The following ITPR2 variants were observed in gnomAD, a reference collection of about 807,000 sequenced individuals.
ITPR2 encodes the protein inositol 1,4,5-trisphosphate-gated calcium channel ITPR2.
ITPR2 carries 207 observed loss-of-function variants against 317.1 expected under a neutral mutation model. The ratio of observed to expected loss-of-function variants is 0.65; its 90% confidence interval spans 0.58 to 0.73. ITPR2 has a LOEUF of 0.73. Ranked by LOEUF, ITPR2 falls within the 30% of genes least tolerant of loss-of-function variation. The probability of loss-of-function intolerance (pLI) is 0.00; values close to 1 mark genes in which losing one functional copy is unlikely to be tolerated. For synonymous variants in ITPR2, 1,156 were observed against 1,149.1 expected (o/e 1.01, Z -0.12); for missense variants, 2,613 against 3,284.0 (o/e 0.80, Z 4.99).
At chr12:26,821,040 G>T (rs1412714103) in intron 1 of ITPR2, among the ~76,000 whole-genome samples, 2 of 152,174 alleles carry the variant, frequency 1.3e-5, no homozygotes, top group Non-Finnish European at 2.9e-5. Context: ...GTAAAAAAAA[G>T]TTCTGGAAAT....
intron 2 of ITPR2, among the ~76,000 whole-genome samples, chr12:26,776,717 CA>C (rs1383881653): frequency 2.0e-5 from 3 of 152,344 alleles, no homozygotes; most frequent in African/African-American, 7.2e-5. Context: ...ATGTTGCCAT[CA>C]ACCTTTCCAC....
chr12:26,678,600 T>A (rs1009485961), intron 13 of ITPR2, among the ~76,000 whole-genome samples: 6 of 152,222 alleles, frequency 3.9e-5, no homozygotes, highest in Non-Finnish European at 1.5e-5. Context: ...AGCTCTACCT[T>A]ACTGACAGGC....
At chr12:26,583,409 A>G (rs1443019382) in intron 32 of ITPR2, among the ~76,000 whole-genome samples, 2 of 151,980 alleles carry the variant, frequency 1.3e-5, no homozygotes, top group Non-Finnish European at 2.9e-5. Flanking sequence ...GTATTTTTGC[A>G]TTCTATTTAA....
intron 54 of ITPR2, among the ~76,000 whole-genome samples, chr12:26,391,516 T>C (rs1458353475): frequency 2.6e-5 from 4 of 151,568 alleles, no homozygotes; most frequent in Admixed American, 2.6e-4. Context: ...AAGGCATCTG[T>C]ATTTTATTCT....
At chr12:26,414,727 G>A (rs1477625369) in intron 51 of ITPR2, among the ~76,000 whole-genome samples, 1 of 152,056 alleles carries the variant, frequency 6.6e-6, no homozygotes, top group Non-Finnish European at 1.5e-5. Flanking sequence ...AACCAGTCAC[G>A]ACAAAAATAG....
chr12:26,760,037 T>C (rs1416574386), intron 2 of ITPR2, among the ~76,000 whole-genome samples: 1 of 152,220 alleles, frequency 6.6e-6, no homozygotes, highest in Non-Finnish European at 1.5e-5. Flanking sequence ...AGTATTTGCA[T>C]ATAGCCTATG....
intron 49 of ITPR2, among the ~76,000 whole-genome samples, chr12:26,427,575 G>A (rs373448821): frequency 4.6e-5 from 7 of 152,060 alleles, no homozygotes; most frequent in Middle Eastern, 3.4e-3. Flanking sequence ...GATGATTTAC[G>A]ATGTCACTTT....
rs746541797 is a variant in ITPR2 at position 26,711,161 on chromosome 12, C to T, written c.951+12G>A. On this transcript the variant is annotated intron_variant, in intron 9 of 56. Transcript: ENST00000381340. ...GTCAGAAACTTAATACCACTTTATCCATTAGTCTTACCTCTGCAGCTAAAT... is the reference window on the plus strand; with the variant it reads ...GTCAGAAACTTAATACCACTTTATCTATTAGTCTTACCTCTGCAGCTAAAT... The T allele has an allele frequency of 2.5e-6, 4 of 1,576,268 alleles. No individual in the cohort carries two copies. In the South Asian group the frequency reaches 3.3e-5, roughly 13 times the overall value.
At chr12:26,572,334 G>A (rs1442843769) in intron 34 of ITPR2, among the ~76,000 whole-genome samples, 1 of 152,128 alleles carries the variant, frequency 6.6e-6, no homozygotes, top group Non-Finnish European at 1.5e-5. Flanking sequence ...TAATCAAGCA[G>A]AACTCTGAAA....
chr12:26,815,380 T>C (rs1303515549), intron 1 of ITPR2, among the ~76,000 whole-genome samples: 1 of 152,180 alleles, frequency 6.6e-6, no homozygotes, highest in Non-Finnish European at 1.5e-5. Flanking sequence ...AGCTGTCCAA[T>C]GAAAACATGC....
At chr12:26,678,507 A>G (rs1469493699) in intron 13 of ITPR2, among the ~76,000 whole-genome samples, 1 of 152,196 alleles carries the variant, frequency 6.6e-6, no homozygotes, top group Non-Finnish European at 1.5e-5. Flanking sequence ...AAAAAGTCAG[A>G]GTTGTCAGTT....
chr12:26,805,649 C>A (rs932285882), intron 1 of ITPR2, among the ~76,000 whole-genome samples: 14 of 60,292 alleles, frequency 2.3e-4, no homozygotes, highest in Non-Finnish European at 4.2e-4. Flanking sequence ...AAATCACAAG[C>A]AATAAGCATA....
Position 26,337,382 on chromosome 12 carries a change from T to C in ITPR2, c.*2015A>G, listed in dbSNP as rs1591943356. On this transcript the variant is annotated 3_prime_UTR_variant, in exon 57 of 57. Transcript: ENST00000381340. Reference sequence around the variant, plus strand: ...GATAGGTTCCTATATTGGAATATGTTCAATATTTACTACCTTTCTCTTCTA... The same window carrying C: ...GATAGGTTCCTATATTGGAATATGTCCAATATTTACTACCTTTCTCTTCTA... 6.6e-6 allele frequency: 1 copy of C among 152,336 alleles called. No individual in the cohort carries two copies. Among genetic ancestry groups the C allele is most frequent in the Non-Finnish European group, 1.5e-5 (1 of 68,018 alleles). The allele number at this position is 152,336 out of a possible 1,614,324, so 9.4% of individuals were successfully genotyped here.
intron 37 of ITPR2, among the ~76,000 whole-genome samples, chr12:26,511,764 C>T (rs1195683092): frequency 2.0e-5 from 3 of 152,218 alleles, no homozygotes; most frequent in Admixed American, 2.0e-4. Context: ...TGTGGGACCA[C>T]GTTTGGGACA....
chr12:26,492,917 GTGTA>G (rs1565558710), intron 39 of ITPR2, among the ~76,000 whole-genome samples: 9 of 115,522 alleles, frequency 7.8e-5, no homozygotes, highest in Admixed American at 1.3e-4. Flanking sequence ...ATGTGTGTGT[GTGTA>G]TATATATATA....
intron 2 of ITPR2, among the ~76,000 whole-genome samples, chr12:26,729,704 G>A (rs1008954183): frequency 1.3e-5 from 2 of 152,060 alleles, no homozygotes; most frequent in Non-Finnish European, 1.5e-5. Context: ...TGCAGGAACA[G>A]AAAATCAAAT....
intron 26 of ITPR2, among the ~76,000 whole-genome samples, chr12:26,616,127 T>TTTATTTTTA (rs757672332): frequency 1.7e-3 from 252 of 150,020 alleles, no homozygotes; most frequent in Non-Finnish European, 2.9e-3. Context: ...TATTTATTTA[T>TTTATTTTTA]TTTTATTTTA....
chr12:26,562,416 T>C (rs1944843466), intron 34 of ITPR2, among the ~76,000 whole-genome samples: 1 of 152,216 alleles, frequency 6.6e-6, no homozygotes, highest in Non-Finnish European at 1.5e-5. Flanking sequence ...AACATCTGCA[T>C]TGGAAGAGGG....
chr12:26,790,092 T>C, intron 2 of ITPR2, 65 bp downstream of exon 2: 1 of 1,043,280 alleles, frequency 9.6e-7, no homozygotes, highest in Non-Finnish European at 1.5e-6. Context: ...CATTACTTAC[T>C]TTGAGACATA....
Sources: gnomAD v4.1 joint callset for allele counts (sites outside exome capture counted in the v4.1 genomes callset) on GRCh38, gnomAD v4.1.1 for gene constraint, MANE v1.5 for transcripts, NCBI Gene and HGNC (gene_info 2026-07-23, HGNC 2026-07-21) for gene names.